Variants in BLOC1S5 observed in about 807,000 individuals in gnomAD.
The protein encoded by BLOC1S5 is biogenesis of lysosome-related organelles complex 1 subunit 5.
A neutral mutation model predicts 24.3 loss-of-function variants in BLOC1S5; 27 were observed. That is an observed-to-expected ratio of 1.11 (90% confidence interval 0.82 to 1.53). The LOEUF (loss-of-function observed/expected upper bound fraction) is 1.53. Among genes scored for constraint, BLOC1S5 ranks in the 40% most tolerant of loss-of-function variants. BLOC1S5 has a pLI of 0.00. For synonymous variants in BLOC1S5, 84 were observed against 74.5 expected (o/e 1.13, Z -0.66); for missense variants, 239 against 229.4 (o/e 1.04, Z -0.27).
chr6:8,047,681 C>T (rs574798207), intron 2 of BLOC1S5, among the ~76,000 whole-genome samples: 2 of 152,252 alleles, frequency 1.3e-5, no homozygotes, highest in South Asian at 4.1e-4. Context: ...CTGTTGTTTG[C>T]TGAATGAATC....
At chr6:8,064,148 G>A (rs926914415) in intron 1 of BLOC1S5, 117 bp downstream of exon 1, 3 of 808,488 alleles carry the variant, frequency 3.7e-6, no homozygotes, top group Admixed American at 7.6e-5. Context: ...TCCCCCACCC[G>A]CACAAACGCA....
chr6:8,045,402 T>A (rs111440259), intron 2 of BLOC1S5, among the ~76,000 whole-genome samples: 6,677 of 152,236 alleles, frequency 0.044, 503 homozygotes, highest in African/African-American at 0.15. Context: ...GCTAGGGCAG[T>A]GCAGAAGGGA....
At chr6:8,053,715 A>T (rs1764211795) in intron 2 of BLOC1S5, among the ~76,000 whole-genome samples, 1 of 152,216 alleles carries the variant, frequency 6.6e-6, no homozygotes, top group Admixed American at 6.5e-5. Flanking sequence ...TATATTGTAC[A>T]TACTTTTAAA....
At chr6:8,058,229 C>T (rs983128967) in intron 2 of BLOC1S5, among the ~76,000 whole-genome samples, 4 of 151,876 alleles carry the variant, frequency 2.6e-5, no homozygotes, top group Admixed American at 2.6e-4. Context: ...GTCCAAAAGC[C>T]ACCTTGTAGG....
At chr6:8,022,225 G>C (rs1236193805) in intron 4 of BLOC1S5, among the ~76,000 whole-genome samples, 1 of 149,516 alleles carries the variant, frequency 6.7e-6, no homozygotes, top group Non-Finnish European at 1.5e-5. Flanking sequence ...CACAGGTTGT[G>C]GGGAGGTGCT....
chr6:8,050,104 G>A (rs1162380159), intron 2 of BLOC1S5, among the ~76,000 whole-genome samples: 1 of 152,154 alleles, frequency 6.6e-6, no homozygotes, highest in African/African-American at 2.4e-5. Flanking sequence ...TTGTGGCAAC[G>A]CTGTTTCAAG....
At chr6:8,018,989 C>A (rs17143295) in intron 4 of BLOC1S5, among the ~76,000 whole-genome samples, 1 of 152,262 alleles carries the variant, frequency 6.6e-6, no homozygotes, top group Admixed American at 6.5e-5. Context: ...GTCTTTAAGA[C>A]GCTGCAATAT....
At chr6:8,040,566 A>G (rs1353243986) in intron 3 of BLOC1S5, among the ~76,000 whole-genome samples, 1 of 152,260 alleles carries the variant, frequency 6.6e-6, no homozygotes, top group Non-Finnish European at 1.5e-5. Flanking sequence ...GTAGTCAAGA[A>G]CCGAGATTCC....
intron 3 of BLOC1S5, among the ~76,000 whole-genome samples, chr6:8,035,976 T>C (rs12111405): frequency 0.16 from 23,805 of 152,136 alleles, 1,939 homozygotes; most frequent in Admixed American, 0.19. Context: ...AGATCATATC[T>C]TAGGCCACAA....
intron 3 of BLOC1S5, among the ~76,000 whole-genome samples, chr6:8,032,198 T>C (rs6926060): frequency 0.039 from 5,943 of 151,884 alleles, 368 homozygotes; most frequent in African/African-American, 0.13. Flanking sequence ...TGGGAGAAAA[T>C]CTTCGCAAAC....
chr6:8,041,377 A>T, intron 2 of BLOC1S5, 109 bp from the exon 3 acceptor site: 1 of 1,084,322 alleles, frequency 9.2e-7, no homozygotes. Context: ...CGGTGGTGTG[A>T]TCTCAGCTCA....
At chr6:8,042,354 T>C (rs1007072842) in intron 2 of BLOC1S5, among the ~76,000 whole-genome samples, 2 of 152,238 alleles carry the variant, frequency 1.3e-5, no homozygotes, top group Non-Finnish European at 1.5e-5. Flanking sequence ...GATACTTCCC[T>C]ATATAGAAAA....
rs1306998106 is a variant in BLOC1S5 at position 8,015,358 on chromosome 6, T to C, written c.*291A>G. 2 of 305,722 alleles carry C rather than the reference T, an allele frequency of 6.5e-6. No homozygotes were observed. Among genetic ancestry groups the C allele is most frequent in the Non-Finnish European group, 1.2e-5 (2 of 166,088 alleles). The allele number at this position is 305,722 out of a possible 1,614,324, so 18.9% of individuals were successfully genotyped here. On this transcript the variant is annotated 3_prime_UTR_variant, in exon 5 of 5. Transcript: ENST00000397457. ...CTATACCTACAGTTCTCTGAGCTAA[T>C]CAATGGAAAAGATGATCAATTCTGA...
At chr6:8,019,607 A>AGC (rs35091660) in intron 4 of BLOC1S5, among the ~76,000 whole-genome samples, 3 of 145,688 alleles carry the variant, frequency 2.1e-5, no homozygotes, top group African/African-American at 5.0e-5. Context: ...TAAAGAAAAA[A>AGC]GGGGGGGGGG....
chr6:8,038,924 A>T (rs2113556867), intron 3 of BLOC1S5, among the ~76,000 whole-genome samples: 1 of 152,362 alleles, frequency 6.6e-6, no homozygotes, highest in South Asian at 2.1e-4. Flanking sequence ...TCAAAAAACT[A>T]AAAATAGAAC....
Position 8,027,413 on chromosome 6 carries a change from A to G in BLOC1S5, c.326-988T>C, listed in dbSNP as rs529314871. 18 of 456,790 alleles carry G rather than the reference A, an allele frequency of 3.9e-5. No individual in the cohort carries two copies. The East Asian group carries it at 1.2e-3, about 32-fold the overall frequency. 28.3% of individuals were successfully genotyped at this position (456,790 alleles called of 1,614,324 possible). On this transcript the variant is annotated intron_variant, in intron 3 of 4. Coordinates refer to ENST00000397457, the MANE Select transcript of BLOC1S5 (RefSeq NM_201280.3). ...TTAGTTCCTCATCTGTAAAATGAAC[A>G]TAACAACTAATAACAGGGCTTCAGA...
intron 2 of BLOC1S5, among the ~76,000 whole-genome samples, chr6:8,053,829 T>C (rs992859417): frequency 6.6e-6 from 1 of 152,182 alleles, no homozygotes. Flanking sequence ...CTGTGTGGTC[T>C]TTGTTCTCTC....
At chr6:8,043,882 C>T (rs1007637938) in intron 2 of BLOC1S5, among the ~76,000 whole-genome samples, 11 of 152,036 alleles carry the variant, frequency 7.2e-5, no homozygotes, top group Admixed American at 4.6e-4. Context: ...TCATGGGGGC[C>T]CGTCTTTCCC....
chr6:8,062,259 T>G (rs1764538480), intron 2 of BLOC1S5, among the ~76,000 whole-genome samples: 1 of 152,178 alleles, frequency 6.6e-6, no homozygotes, highest in Admixed American at 6.5e-5. Context: ...ATCCCTTTTT[T>G]TCCCCCACTA....
Sources: allele counts gnomAD v4.1 joint callset (sites outside exome capture counted in the v4.1 genomes callset), GRCh38; gene constraint gnomAD v4.1.1; transcripts MANE v1.5; gene names NCBI Gene and HGNC (gene_info 2026-07-23, HGNC 2026-07-21).